VPS50: variants seen among roughly 807,000 people sequenced by gnomAD.
VPS50 encodes syndetin.
VPS50 carries 70 observed loss-of-function variants against 139.7 expected under a neutral mutation model. That is an observed-to-expected ratio of 0.50 (90% CI 0.41 to 0.61). VPS50 has a LOEUF of 0.61. Among genes scored for constraint, VPS50 ranks in the 20% least tolerant of loss-of-function variants. The pLI is 0.00. For synonymous variants in VPS50, 365 were observed against 376.7 expected, an observed-to-expected ratio of 0.97 and a Z score of 0.36; for missense variants, 921 against 1,133.7, an observed-to-expected ratio of 0.81 and a Z score of 2.69.
Position 93,341,443 on chromosome 7 carries a change from C to G in VPS50, c.2075C>G (p.Pro692Arg). The G allele has an allele frequency of 6.2e-7, 1 of 1,608,780 alleles. No individual in the cohort carries two copies. The highest frequency in any genetic ancestry group is 8.5e-7 in the Non-Finnish European group (1 of 1,178,112). Reference sequence around the variant, plus strand: ...TATTTTCAGGAAGTTTCAGCTGATCCTACTGCCACACTCACAGCAGCAGAA... The same window carrying G: ...TATTTTCAGGAAGTTTCAGCTGATCGTACTGCCACACTCACAGCAGCAGAA... ...SLIDLEVSAD[P>R]TATLTAAEER... is the part of the protein sequence containing the mutation. Residue 692 changes from proline to arginine, a missense_variant, in exon 23 of 28, where the codon CCT (proline) becomes CGT (arginine). By Grantham distance (103) the Pro-to-Arg change is moderately radical (BLOSUM62 -2). This residue lies in a region of VPS50 where 744 missense variants were observed against 930.6 expected (regional missense o/e 0.80). Coordinates refer to ENST00000305866, the MANE Select transcript of VPS50 (RefSeq NM_017667.4).
chr7:93,232,816 C>G (rs866746794), intron 1 of VPS50, among the ~76,000 whole-genome samples: 1 of 152,148 alleles, frequency 6.6e-6, no homozygotes, highest in South Asian at 2.1e-4. Context: ...CAAGGTCTTC[C>G]GCATCCAGGC....
chr7:93,358,471 C>T lies in VPS50; in HGVS notation c.*35C>T, dbSNP rs368865634. 6.3e-7 allele frequency: 1 copy of T among 1,594,232 alleles called. No individual in the cohort carries two copies. Among genetic ancestry groups the T allele is most frequent in the African/African-American group, 1.3e-5 (1 of 74,340 alleles). Reference sequence around the variant, plus strand: ...CTCTCTTTCCTCAATGGCATTGATCCTCACTCAACATATATGACCTGAAAG... The same window carrying T: ...CTCTCTTTCCTCAATGGCATTGATCTTCACTCAACATATATGACCTGAAAG... On this transcript the variant is annotated 3_prime_UTR_variant, in exon 28 of 28. Coordinates refer to ENST00000305866, the MANE Select transcript of VPS50 (RefSeq NM_017667.4).
chr7:93,349,847 G>T, intron 24 of VPS50, 28 bp from the exon 25 acceptor site: 1 of 1,580,868 alleles, frequency 6.3e-7, no homozygotes, highest in Non-Finnish European at 8.6e-7. Context: ...GAAAATAATT[G>T]TTTTCATTTT....
At chr7:93,250,718 T>C (rs969436244) in intron 2 of VPS50, among the ~76,000 whole-genome samples, 8 of 152,244 alleles carry the variant, frequency 5.3e-5, no homozygotes, top group African/African-American at 1.9e-4. Flanking sequence ...CTAAAGAGCT[T>C]CTGCACAGCA....
intron 22 of VPS50, among the ~76,000 whole-genome samples, chr7:93,339,344 A>C (rs548931285): frequency 2.0e-5 from 3 of 151,386 alleles, no homozygotes; most frequent in South Asian, 2.1e-4. Context: ...AAAAAAAAAA[A>C]CAGAACTAAA....
chr7:93,253,055 A>G (rs1795382633), intron 3 of VPS50, among the ~76,000 whole-genome samples: 2 of 152,180 alleles, frequency 1.3e-5, no homozygotes, highest in Admixed American at 6.5e-5. Context: ...ATCCTATTTT[A>G]TAGTATCTAT....
chr7:93,330,213 T>C (rs1038395545), intron 21 of VPS50, among the ~76,000 whole-genome samples: 3 of 152,014 alleles, frequency 2.0e-5, no homozygotes, highest in African/African-American at 7.2e-5. Context: ...AGGACAACCA[T>C]GAAACATACT....
intron 12 of VPS50, among the ~76,000 whole-genome samples, chr7:93,289,981 A>G (rs890668300): frequency 4.6e-5 from 7 of 151,828 alleles, no homozygotes; most frequent in African/African-American, 1.5e-4. Flanking sequence ...GGAGTGTTTC[A>G]TGGTTTTCTT....
chr7:93,293,126 AG>A (rs1428581057), intron 13 of VPS50, among the ~76,000 whole-genome samples: 4 of 152,158 alleles, frequency 2.6e-5, no homozygotes, highest in Admixed American at 2.6e-4. Flanking sequence ...TCTACCCTGC[AG>A]GGTTGTTGTA....
At chr7:93,320,146 G>A (rs1797560238) in intron 20 of VPS50, among the ~76,000 whole-genome samples, 1 of 152,098 alleles carries the variant, frequency 6.6e-6, no homozygotes, top group African/African-American at 2.4e-5. Context: ...CTATGTTCGA[G>A]CTGGCTCTTT....
At chr7:93,306,815 T>A (rs1181503990) in intron 18 of VPS50, among the ~76,000 whole-genome samples, 1 of 151,968 alleles carries the variant, frequency 6.6e-6, no homozygotes, top group Admixed American at 6.6e-5. Context: ...ACCATTCAGA[T>A]GTGACAAAAT....
At chr7:93,303,011 C>G (rs1244281215) in intron 16 of VPS50, among the ~76,000 whole-genome samples, 1 of 151,866 alleles carries the variant, frequency 6.6e-6, no homozygotes, top group Non-Finnish European at 1.5e-5. Flanking sequence ...AATTATCTTG[C>G]TATTGTGGCT....
At chr7:93,266,602 CAGA>C (rs1266223602) in intron 9 of VPS50, among the ~76,000 whole-genome samples, 2 of 152,148 alleles carry the variant, frequency 1.3e-5, no homozygotes, top group Non-Finnish European at 1.5e-5. Context: ...AAACCCTTTG[CAGA>C]ATTGTTTGAT....
intron 21 of VPS50, among the ~76,000 whole-genome samples, chr7:93,327,676 C>T (rs1490009883): frequency 3.3e-5 from 5 of 152,072 alleles, no homozygotes; most frequent in Admixed American, 6.5e-5. Flanking sequence ...TAGGCACATG[C>T]GGGTGTATAA....
At position 93,360,818 on chromosome 7, in the gene VPS50, C is replaced by T. The variant is rs1209730690; in HGVS notation, c.*2382C>T. 1 of 151,906 alleles carries T rather than the reference C, an allele frequency of 6.6e-6. No individual in the cohort carries two copies. The highest frequency in any genetic ancestry group is 1.5e-5 in the Non-Finnish European group (1 of 67,970). The allele number at this position is 151,906 out of a possible 1,614,324, so 9.4% of individuals were successfully genotyped here. A position where few individuals can be genotyped will look rare whatever the true frequency, so the allele number is the denominator to read the frequency against. On this transcript the variant is annotated 3_prime_UTR_variant, in exon 28 of 28. Transcript: ENST00000305866. ...CTTGCATTTAAAAATGCTAGGGGGG[C>T]ACATAGCAATTCAAATGAACTAGTT...
At chr7:93,295,099 C>T (rs1796771116) in intron 14 of VPS50, among the ~76,000 whole-genome samples, 1 of 152,116 alleles carries the variant, frequency 6.6e-6, no homozygotes, top group Non-Finnish European at 1.5e-5. Context: ...TTGAGGGAAT[C>T]TTACATGCTT....
chr7:93,261,551 G>A lies in VPS50; in HGVS notation c.659+1919G>A, dbSNP rs928307360. Among the ~76,000 whole-genome samples the A allele has an allele frequency of 3.9e-4, 60 of 151,926 alleles. 1 individual carries two copies. The highest frequency in any genetic ancestry group is 1.4e-3 in the African/African-American group (56 of 41,450). On this transcript the variant is annotated intron_variant, in intron 9 of 27. Coordinates refer to ENST00000305866, the MANE Select transcript of VPS50 (RefSeq NM_017667.4). ...AAATTAGCCGGGCCTGGTGGCGGGC[G>A]CCTGTAGTCCCAGCTACTCGGGAGG...
At chr7:93,290,487 C>T (rs2116934473) in intron 12 of VPS50, among the ~76,000 whole-genome samples, 1 of 147,682 alleles carries the variant, frequency 6.8e-6, no homozygotes, top group African/African-American at 2.5e-5. Flanking sequence ...AATACCTATT[C>T]ATTCTTATTT....
chr7:93,340,691 T>A (rs1798186673), intron 22 of VPS50: 1 of 152,208 alleles, frequency 6.6e-6, no homozygotes, highest in Non-Finnish European at 1.5e-5. Flanking sequence ...AAATTAGTAA[T>A]GAGAAGATTT....
Sources: gnomAD v4.1 joint callset for allele counts (sites outside exome capture counted in the v4.1 genomes callset) on GRCh38, gnomAD v4.1.1 for gene constraint, gnomAD v4.1.1 regional missense constraint, MANE v1.5 for transcripts, NCBI Gene and HGNC (gene_info 2026-07-23, HGNC 2026-07-21) for gene names.